EYS: variants seen among roughly 807,000 people sequenced by gnomAD.
The protein encoded by EYS is protein eyes shut homolog.
Under a neutral mutation model 282.1 loss-of-function variants are expected in EYS, and 250 were observed. That is an observed-to-expected ratio of 0.89 (90% CI 0.80 to 0.98). The LOEUF is 0.98. Ranked by LOEUF, EYS falls within the 50% of genes least tolerant of loss-of-function variation. The pLI, the probability that EYS is intolerant of heterozygous loss-of-function variation, is 0.00. For synonymous variants in EYS, 1,355 were observed against 1,282.9 expected (o/e 1.06, Z -1.20); for missense variants, 4,016 against 3,709.0 (o/e 1.08, Z -2.15).
intron 5 of EYS, among the ~76,000 whole-genome samples, chr6:65,431,939 A>G (rs1767903869): frequency 6.6e-6 from 1 of 152,170 alleles, no homozygotes; most frequent in Non-Finnish European, 1.5e-5. Flanking sequence ...TTGAGCAACT[A>G]TCTCTGGTGG....
At chr6:65,086,303 G>A (rs1334242535) in intron 12 of EYS, among the ~76,000 whole-genome samples, 1 of 151,572 alleles carries the variant, frequency 6.6e-6, no homozygotes, top group Non-Finnish European at 1.5e-5. Flanking sequence ...GCGTCAGAGT[G>A]AGACTCCATC....
At chr6:65,413,950 A>G (rs1767128501) in intron 5 of EYS, among the ~76,000 whole-genome samples, 1 of 152,142 alleles carries the variant, frequency 6.6e-6, no homozygotes, top group African/African-American at 2.4e-5. Flanking sequence ...TATATTATAT[A>G]AGGATTTGTG....
At chr6:65,002,585 G>A (rs2150128382) in intron 13 of EYS, among the ~76,000 whole-genome samples, 1 of 147,482 alleles carries the variant, frequency 6.8e-6, no homozygotes, top group East Asian at 2.1e-4. Context: ...CTTGTTTTGA[G>A]AAACAAATTT....
At chr6:64,579,413 A>G (rs1342788623) in intron 26 of EYS, among the ~76,000 whole-genome samples, 4 of 152,134 alleles carry the variant, frequency 2.6e-5, no homozygotes, top group Admixed American at 1.3e-4. Flanking sequence ...TTGCCTTTAT[A>G]TCATCTGGAA....
chr6:65,046,926 A>G (rs2150152365), intron 13 of EYS, among the ~76,000 whole-genome samples: 1 of 151,810 alleles, frequency 6.6e-6, no homozygotes, highest in Middle Eastern at 3.4e-3. Context: ...AGATCTGGTC[A>G]TTTAAAAGTG....
intron 5 of EYS, among the ~76,000 whole-genome samples, chr6:65,479,757 C>A (rs1765538379): frequency 6.6e-6 from 1 of 151,998 alleles, no homozygotes; most frequent in Admixed American, 6.6e-5. Context: ...TTGGAACATG[C>A]AAATGTTTCA....
intron 2 of EYS, among the ~76,000 whole-genome samples, chr6:65,513,895 C>T (rs1437052208): frequency 6.6e-6 from 1 of 152,180 alleles, no homozygotes; most frequent in African/African-American, 2.4e-5. Flanking sequence ...CAGGGCTGCC[C>T]TCTCTCACCA....
At chr6:65,362,550 G>A (rs1357056259) in intron 8 of EYS, among the ~76,000 whole-genome samples, 1 of 151,518 alleles carries the variant, frequency 6.6e-6, no homozygotes, top group Non-Finnish European at 1.5e-5. Flanking sequence ...ATATATGTAT[G>A]TATACACATT....
chr6:64,096,214 C>A (rs1772606947), intron 31 of EYS, among the ~76,000 whole-genome samples: 1 of 152,168 alleles, frequency 6.6e-6, no homozygotes, highest in African/African-American at 2.4e-5. Context: ...TTTGTTGAAT[C>A]TGACAATTAT....
chr6:63,954,400 C>G (rs186110792), intron 35 of EYS, among the ~76,000 whole-genome samples: 1 of 152,262 alleles, frequency 6.6e-6, no homozygotes, highest in African/African-American at 2.4e-5. Flanking sequence ...TGCAAAGGGA[C>G]GAGGCATCAA....
At chr6:65,328,793 GAA>G (rs889784803) in intron 11 of EYS, among the ~76,000 whole-genome samples, 1 of 150,938 alleles carries the variant, frequency 6.6e-6, no homozygotes, top group Non-Finnish European at 1.5e-5. Flanking sequence ...TCTAGGAATA[GAA>G]AAACTAAAAT....
intron 22 of EYS, among the ~76,000 whole-genome samples, chr6:64,780,931 G>A (rs952934156): frequency 6.6e-6 from 1 of 152,186 alleles, no homozygotes; most frequent in Non-Finnish European, 1.5e-5. Flanking sequence ...ACAGTCTAAT[G>A]TGGGAAATTA....
At chr6:65,440,511 C>G (rs1768272679) in intron 5 of EYS, among the ~76,000 whole-genome samples, 1 of 151,524 alleles carries the variant, frequency 6.6e-6, no homozygotes, top group Admixed American at 6.6e-5. Context: ...AGAAAAAAAT[C>G]CCAGAGAATA....
At chr6:63,936,443 G>C (rs1386194390) in intron 35 of EYS, among the ~76,000 whole-genome samples, 1 of 152,018 alleles carries the variant, frequency 6.6e-6, no homozygotes, top group Non-Finnish European at 1.5e-5. Flanking sequence ...CTCTTTATAT[G>C]CACTTTCCCC....
intron 22 of EYS, among the ~76,000 whole-genome samples, chr6:64,786,336 A>C (rs1404596339): frequency 2.6e-5 from 4 of 152,032 alleles, no homozygotes; most frequent in African/African-American, 9.7e-5. Flanking sequence ...GTGTGGCGGA[A>C]ACCAGCCAGG....
chr6:65,316,679 G>A (rs1252252343), intron 11 of EYS, among the ~76,000 whole-genome samples: 1 of 151,578 alleles, frequency 6.6e-6, no homozygotes, highest in Non-Finnish European at 1.5e-5. Context: ...CCCTCCTTGT[G>A]TCATGTGTTC....
intron 31 of EYS, among the ~76,000 whole-genome samples, chr6:64,114,048 C>T (rs1432848264): frequency 6.6e-6 from 1 of 152,006 alleles, no homozygotes; most frequent in Non-Finnish European, 1.5e-5. Flanking sequence ...TGGCCCTTTA[C>T]AGAAAAAAAC....
At chr6:65,285,188 A>G (rs944109607) in intron 12 of EYS, among the ~76,000 whole-genome samples, 12 of 152,010 alleles carry the variant, frequency 7.9e-5, no homozygotes, top group Admixed American at 3.9e-4. Context: ...TTGTGTTTAA[A>G]TTTGTGTTAT....
At chr6:64,258,202 T>C (rs138339996) in intron 30 of EYS, among the ~76,000 whole-genome samples, 105 of 152,178 alleles carry the variant, frequency 6.9e-4, no homozygotes, top group African/African-American at 2.5e-3. Context: ...TGGTACAGTA[T>C]GAAATAGGCT....
Sources: gnomAD v4.1 joint callset for allele counts (sites outside exome capture counted in the v4.1 genomes callset) on GRCh38, gnomAD v4.1.1 for gene constraint, MANE v1.5 for transcripts, NCBI Gene and HGNC (gene_info 2026-07-23, HGNC 2026-07-21) for gene names.